Variants in EXOC2 observed in about 807,000 individuals in gnomAD.
EXOC2 encodes the protein exocyst complex component 2.
EXOC2 carries 70 observed loss-of-function variants against 131.8 expected under a neutral mutation model. The ratio of observed to expected loss-of-function variants is 0.53; its 90% CI spans 0.44 to 0.65. EXOC2 has a LOEUF of 0.65. EXOC2 is among the 30% of genes least tolerant of loss of function. The pLI, the probability that EXOC2 is intolerant of heterozygous loss-of-function variation, is 0.00. For synonymous variants in EXOC2, 411 were observed against 398.4 expected, an observed-to-expected ratio of 1.03 and a Z score of -0.38; for missense variants, 923 against 1,108.6, an observed-to-expected ratio of 0.83 and a Z score of 2.38.
At chr6:529,426 T>C (rs1288922619) in intron 23 of EXOC2, among the ~76,000 whole-genome samples, 2 of 152,140 alleles carry the variant, frequency 1.3e-5, no homozygotes. Context: ...TTCTTCTGCA[T>C]CAGGGGCAAA....
intron 1 of EXOC2, among the ~76,000 whole-genome samples, chr6:642,455 G>GAGTGTGTACTGAGTT (rs1194603264): frequency 6.6e-6 from 1 of 152,190 alleles, no homozygotes; most frequent in Non-Finnish European, 1.5e-5. Flanking sequence ...CTGGTATCAG[G>GAGTGTGTACTGAGTT]AGTGTGTACT....
At chr6:675,606 C>T (rs62386484) in intron 1 of EXOC2, among the ~76,000 whole-genome samples, 452 of 26,660 alleles carry the variant, frequency 0.017, 13 homozygotes, top group East Asian at 0.068. Context: ...AACTGCGGTT[C>T]CCCATACTCT....
chr6:610,951 TG>T (rs1760683183), intron 6 of EXOC2, among the ~76,000 whole-genome samples: 1 of 152,244 alleles, frequency 6.6e-6, no homozygotes. Context: ...TGAATTGTCT[TG>T]GTTGACTTGG....
In EXOC2 at chr6:572,644, G is replaced by A. The variant is rs140985604; in HGVS notation, c.1319C>T (p.Thr440Met). The A allele has an allele frequency of 7.2e-5, 116 of 1,611,232 alleles. No individual in the cohort carries two copies. The African/African-American group carries it at 7.5e-4, about 10-fold the overall frequency. ...GSSFQSGRDDTWRYKTPHRVA... is the reference protein window; with the variant it reads ...GSSFQSGRDDMWRYKTPHRVA... ...CCTGTGGGGAGTTTTGTATCTCCAC[G>A]CTAAGGGGGAAAAGAATAAAATACT... is the stretch of plus-strand genomic sequence containing the variant. Residue 440 changes from threonine (T) to methionine (M), a missense_variant and splice_region_variant, in exon 13 of 28, where the codon ACG becomes ATG. Coordinates refer to ENST00000230449, the MANE Select transcript of EXOC2 (RefSeq NM_018303.6).
chr6:626,108 C>G (rs1040687330), intron 4 of EXOC2, among the ~76,000 whole-genome samples: 1 of 152,224 alleles, frequency 6.6e-6, no homozygotes, highest in Non-Finnish European at 1.5e-5. Context: ...TTTGTGACAA[C>G]TGCCATCGTA....
chr6:633,449 T>C (rs1373018142), intron 2 of EXOC2, among the ~76,000 whole-genome samples: 1 of 152,254 alleles, frequency 6.6e-6, no homozygotes, highest in Non-Finnish European at 1.5e-5. Context: ...AAAGGGAAAC[T>C]ACTGCTATTA....
In EXOC2 at chr6:540,775, T is replaced by C. The variant is rs181002277; in HGVS notation, c.2239-8165A>G. Among the ~76,000 whole-genome samples, 250 of 152,224 alleles carry C rather than the reference T, an allele frequency of 1.6e-3. 2 individuals are homozygous for C. Among genetic ancestry groups the C allele is most frequent in the African/African-American group, 4.8e-3 (201 of 41,548 alleles). ...TTGAAGAGATAATGGCTTAGAACTT[T>C]CCAGAATTGATTAAAGACATCAACC... On this transcript the variant is annotated intron_variant, in intron 22 of 27. Transcript: ENST00000230449.
chr6:631,018 C>T (rs1761818080), intron 3 of EXOC2, among the ~76,000 whole-genome samples: 1 of 152,216 alleles, frequency 6.6e-6, no homozygotes, highest in Non-Finnish European at 1.5e-5. Context: ...GCCTCCAAGG[C>T]CCTGGGCTGC....
intron 1 of EXOC2, among the ~76,000 whole-genome samples, chr6:682,743 G>T (rs1238746341): frequency 6.6e-6 from 1 of 152,162 alleles, no homozygotes; most frequent in Non-Finnish European, 1.5e-5. Context: ...AAGTGGGAAA[G>T]GATTGATAAT....
chr6:626,859 C>T (rs573983489), intron 4 of EXOC2, among the ~76,000 whole-genome samples: 1 of 152,348 alleles, frequency 6.6e-6, no homozygotes, highest in South Asian at 2.1e-4. Context: ...TCTCAAAGTG[C>T]TGGGATTACA....
At chr6:659,009 T>C (rs2127756055) in intron 1 of EXOC2, among the ~76,000 whole-genome samples, 2 of 152,264 alleles carry the variant, frequency 1.3e-5, no homozygotes, top group South Asian at 4.1e-4. Context: ...ATTCAAACCA[T>C]TTTTTATGAC....
At chr6:574,532 T>C (rs1000817982) in intron 12 of EXOC2, among the ~76,000 whole-genome samples, 22 of 152,248 alleles carry the variant, frequency 1.4e-4, no homozygotes, top group Non-Finnish European at 3.1e-4. Flanking sequence ...GTGTAGGCTA[T>C]AGAGCCTCTT....
intron 1 of EXOC2, among the ~76,000 whole-genome samples, chr6:671,781 T>C (rs1763884513): frequency 6.6e-6 from 1 of 152,204 alleles, no homozygotes; most frequent in South Asian, 2.1e-4. Context: ...TCTGATGTAA[T>C]TTCCATTCTT....
At chr6:600,980 T>G (rs1165351508) in intron 7 of EXOC2, among the ~76,000 whole-genome samples, 1 of 152,178 alleles carries the variant, frequency 6.6e-6, no homozygotes, top group Admixed American at 6.5e-5. Flanking sequence ...TCAGATAATG[T>G]ATTCAGTAAT....
intron 1 of EXOC2, among the ~76,000 whole-genome samples, chr6:653,464 T>A (rs551025558): frequency 2.6e-5 from 4 of 152,318 alleles, no homozygotes; most frequent in African/African-American, 9.6e-5. Context: ...GTGTGAGTGA[T>A]CTAGATTGAA....
chr6:691,277 C>G (rs1238489636), intron 1 of EXOC2, among the ~76,000 whole-genome samples: 1 of 152,188 alleles, frequency 6.6e-6, no homozygotes, highest in Non-Finnish European at 1.5e-5. Context: ...ACAGTTGACC[C>G]TTAAGCAACA....
Position 491,230 on chromosome 6 carries a change from T to A in EXOC2, c.2560-44A>T, listed in dbSNP as rs762030631. 1.9e-6 allele frequency: 3 copies of A among 1,598,130 alleles called. No individual in the cohort carries two copies. The South Asian group carries it at 3.3e-5, about 18-fold the overall frequency. On this transcript the variant is annotated intron_variant, in intron 25 of 27. Transcript: ENST00000230449. ...CAAAGTGACAACAGGAAAATTTATA[T>A]TATCAAATATAAACAAGTACTAAGG...
At chr6:660,356 A>T (rs1581649067) in intron 1 of EXOC2, among the ~76,000 whole-genome samples, 1 of 152,304 alleles carries the variant, frequency 6.6e-6, no homozygotes, top group South Asian at 2.1e-4. Flanking sequence ...CTAGAGCATT[A>T]AACCACCAAA....
At position 629,950 on chromosome 6, in the gene EXOC2, G is replaced by A; in HGVS notation, c.307C>T (p.Gln103Ter). 3 of 1,613,716 alleles carry A rather than the reference G, an allele frequency of 1.9e-6. No homozygotes were observed. The highest frequency in any genetic ancestry group is 2.5e-6 in the Non-Finnish European group (3 of 1,179,802). Residue 103 changes from glutamine (Q) to a stop codon, truncating the protein, a stop_gained, in exon 4 of 28, where the codon CAG (glutamine) becomes TAG (stop). Transcript: ENST00000230449. LOFTEE classifies it high-confidence loss of function. The stretch of plus-strand genomic sequence containing the variant: ...ATTTCATCAACCCACACAGCAGACT[G>A]ATCCAAAATGCCTACAGAAATGAGG... ...LKPEKIGILD[Q>*]SAVWVDEMNY... is the part of the protein sequence containing the mutation.
Sources: allele counts gnomAD v4.1 joint callset (sites outside exome capture counted in the v4.1 genomes callset), GRCh38; gene constraint gnomAD v4.1.1; transcripts MANE v1.5; gene names NCBI Gene and HGNC (gene_info 2026-07-23, HGNC 2026-07-21).